The following FAM184A variants were observed in gnomAD, a reference collection of about 807,000 sequenced individuals.
The protein encoded by FAM184A is family with sequence similarity 184 member A, also known as protein FAM184A.
Under a neutral mutation model 143.8 loss-of-function variants are expected in FAM184A, and 99 were observed. The ratio of observed to expected loss-of-function variants is 0.69; its 90% confidence interval spans 0.58 to 0.81. The LOEUF (loss-of-function observed/expected upper bound fraction) is 0.81, where lower values mean the gene tolerates loss of function less well. FAM184A is among the 40% of genes least tolerant of loss of function. FAM184A has a pLI of 0.00. For missense variants in FAM184A, 1,217 were observed against 1,310.5 expected (o/e 0.93, Z 1.10); for synonymous variants, 427 against 446.4 (o/e 0.96, Z 0.55).
chr6:119,044,281 CA>C (rs1281125379), intron 1 of FAM184A, among the ~76,000 whole-genome samples: 1 of 152,002 alleles, frequency 6.6e-6, no homozygotes, highest in African/African-American at 2.4e-5. Flanking sequence ...AAATGATCAA[CA>C]AAAAACTATT....
At chr6:119,130,889 G>A (rs917307660) in intron 1 of FAM184A, among the ~76,000 whole-genome samples, 20 of 138,934 alleles carry the variant, frequency 1.4e-4, no homozygotes, top group African/African-American at 4.9e-4. Flanking sequence ...ATGGAGTCTC[G>A]CTCTGCACCT....
chr6:119,086,542 C>T (rs969079715), intron 1 of FAM184A, among the ~76,000 whole-genome samples: 3 of 152,048 alleles, frequency 2.0e-5, no homozygotes, highest in African/African-American at 7.2e-5. Context: ...AAGGGCAAAG[C>T]CATGGAGATT....
chr6:118,964,693 C>T lies in FAM184A; in HGVS notation c.3112G>A (p.Val1038Ile). 6.2e-7 allele frequency: 1 copy of T among 1,604,662 alleles called. No homozygotes were observed. The highest frequency in any genetic ancestry group is 1.1e-5 in the South Asian group (1 of 90,526). The change falls in exon 16 of 18, where the codon GTT (valine) becomes ATT (isoleucine). Residue 1038 changes from valine to isoleucine, a missense_variant. Coordinates refer to ENST00000338891, the MANE Select transcript of FAM184A (RefSeq NM_024581.6). ...FNKVFNSSPT[V>I]GVINPLAKQK... ...TTAGCCAATGGATTAATAACACCAA[C>T]AGTAGGACTTGAGTTAAACACTTTG...
chr6:119,071,497 G>A (rs1457684561), intron 1 of FAM184A, among the ~76,000 whole-genome samples: 1 of 152,098 alleles, frequency 6.6e-6, no homozygotes, highest in Non-Finnish European at 1.5e-5. Flanking sequence ...GTTACAAAGT[G>A]ACCAAGTCAT....
intron 1 of FAM184A, among the ~76,000 whole-genome samples, chr6:119,106,420 A>G (rs1243076972): frequency 6.6e-6 from 1 of 152,146 alleles, no homozygotes; most frequent in African/African-American, 2.4e-5. Flanking sequence ...AAAAAACCAA[A>G]CTGACATATT....
chr6:119,064,575 G>A (rs541564657), intron 1 of FAM184A, among the ~76,000 whole-genome samples: 37 of 152,156 alleles, frequency 2.4e-4, no homozygotes, highest in African/African-American at 6.0e-4. Flanking sequence ...GCATAGTGGC[G>A]CATACCTGTA....
intron 1 of FAM184A, among the ~76,000 whole-genome samples, chr6:119,141,080 T>C (rs143438706): frequency 6.6e-6 from 1 of 152,338 alleles, no homozygotes; most frequent in African/African-American, 2.4e-5. Flanking sequence ...CATTTGCATC[T>C]CAAGTCCTTT....
chr6:119,113,635 A>AAG lies in FAM184A; in HGVS notation c.-202+35441_-202+35442dup, dbSNP rs71809162. On this transcript the variant is annotated intron_variant, in intron 1 of 16. Coordinates refer to the FAM184A transcript ENST00000352896. ...TAAGATATTGAGAGAGAGAGAGAGA[A>AAG]AGAGAGAGAGAGAGAGACCACATTC... 6.5e-4 allele frequency among the ~76,000 whole-genome samples: 97 copies of AAG among 149,728 alleles called. 1 individual carries two copies. The highest frequency in any genetic ancestry group is 1.9e-3 in the African/African-American group (78 of 40,464).
intron 6 of FAM184A, among the ~76,000 whole-genome samples, chr6:119,010,484 T>C (rs1055126770): frequency 2.0e-5 from 3 of 152,320 alleles, no homozygotes; most frequent in Admixed American, 6.5e-5. Context: ...ATACAAATTA[T>C]TTTTTCCTGC....
intron 1 of FAM184A, among the ~76,000 whole-genome samples, chr6:119,147,688 A>G (rs984107088): frequency 1.3e-5 from 2 of 152,234 alleles, no homozygotes; most frequent in African/African-American, 2.4e-5. Context: ...AAGCTGAACA[A>G]TAACTTCTGT....
At chr6:119,078,805 A>T (rs560338950), upstream of FAM184A, 1,191 of 153,532 alleles carry the variant, frequency 7.8e-3, 10 homozygotes, top group African/African-American at 0.028. This position sits in a 1 kb window ranked among gnomAD's most constrained non-coding sequence, Gnocchi z 5.5. Flanking sequence ...AGCCCCGCGC[A>T]GCCGCCGCCG....
At chr6:118,968,621 A>C (rs1783572912) in intron 14 of FAM184A, among the ~76,000 whole-genome samples, 1 of 152,386 alleles carries the variant, frequency 6.6e-6, no homozygotes, top group African/African-American at 2.4e-5. Context: ...ACAAGAGGTC[A>C]CTGGAGCACT....
In FAM184A at chr6:119,024,805, A is replaced by G; in HGVS notation, c.168T>C (p.Tyr56=). Reference sequence around the variant, plus strand: ...GCTCATCATTTTTAGTGTTTAAAGCATATATTACCTGCATGGTTTTGAATA... The same window carrying G: ...GCTCATCATTTTTAGTGTTTAAAGCGTATATTACCTGCATGGTTTTGAATA... ...KKIAQLTKVI[Y]ALNTKNDEHE... The change falls in exon 2 of 18, where the codon TAT becomes TAC. Residue 56 remains tyrosine (Y), a synonymous_variant. Coordinates refer to ENST00000338891, the MANE Select transcript of FAM184A (RefSeq NM_024581.6). 6.3e-7 allele frequency: 1 copy of G among 1,592,656 alleles called. No individual in the cohort carries two copies.
At chr6:119,052,787 A>C (rs1786816038) in intron 1 of FAM184A, among the ~76,000 whole-genome samples, 1 of 152,224 alleles carries the variant, frequency 6.6e-6, no homozygotes, top group Admixed American at 6.5e-5. Context: ...GTATAGGTAG[A>C]GGCTTTGTGC....
At position 118,961,883 on chromosome 6, in the gene FAM184A, C is replaced by T; in HGVS notation, c.3219G>A (p.Val1073=). 1.9e-6 allele frequency: 3 copies of T among 1,613,872 alleles called. No individual in the cohort carries two copies. Among genetic ancestry groups the T allele is most frequent in the Non-Finnish European group, 2.5e-6 (3 of 1,179,858 alleles). The change falls in exon 17 of 18, where the codon GTG becomes GTA. Residue 1073 remains valine (V), a synonymous_variant. Coordinates refer to ENST00000338891, the MANE Select transcript of FAM184A (RefSeq NM_024581.6). ...CCAGGCGGTTAGGATGTCCATTGCCCACTCCACCAGATTCCAGAGCACTTA... is the reference window on the plus strand; with the variant it reads ...CCAGGCGGTTAGGATGTCCATTGCCTACTCCACCAGATTCCAGAGCACTTA... ...PNLSALESGG[V]GNGHPNRLDP...
At chr6:119,052,773 A>G (rs892462827) in intron 1 of FAM184A, among the ~76,000 whole-genome samples, 1 of 152,232 alleles carries the variant, frequency 6.6e-6, no homozygotes, top group African/African-American at 2.4e-5. Flanking sequence ...GTATCACACA[A>G]GCTGTATAGG....
rs375185538 is a variant in FAM184A at position 119,122,692 on chromosome 6, G to C, written c.-202+26386C>G. Among the ~76,000 whole-genome samples, 212 of 151,934 alleles carry C rather than the reference G, an allele frequency of 1.4e-3. 1 individual carries two copies. Among genetic ancestry groups the C allele is most frequent in the African/African-American group, 5.0e-3 (206 of 41,454 alleles). On this transcript the variant is annotated intron_variant, in intron 1 of 16. Transcript: ENST00000352896. ...ATCCCAGCACTTTGGAAGGCTGAAG[G>C]GGGTGGATTGCTTGAGTTCAGGAGT...
At chr6:118,990,639 G>C (rs952262895) in intron 9 of FAM184A, among the ~76,000 whole-genome samples, 1 of 152,022 alleles carries the variant, frequency 6.6e-6, no homozygotes, top group East Asian at 1.9e-4. Flanking sequence ...GCCGAAGCAG[G>C]TGGATCACTT....
rs1787940629 is a variant in FAM184A, at chr6:119,078,119, G to T, written c.159+22C>A. ...CGCGGCCCGCACGGGGTCGCCACCT[G>T]CCCCGTCGCTGCCCCCCTTACCTTG... On this transcript the variant is annotated intron_variant, in intron 1 of 17. Transcript: ENST00000338891. This position sits in a 1 kb window ranked among gnomAD's most constrained non-coding sequence, Gnocchi z 5.5. The T allele has an allele frequency of 1.9e-6, 3 of 1,568,070 alleles. No individual in the cohort carries two copies. The highest frequency in any genetic ancestry group is 1.7e-6 in the Non-Finnish European group (2 of 1,160,696).
Sources: allele counts gnomAD v4.1 joint callset (sites outside exome capture counted in the v4.1 genomes callset), GRCh38; gene constraint gnomAD v4.1.1; non-coding constraint Gnocchi (gnomAD v3.1); transcripts MANE v1.5; gene names NCBI Gene and HGNC (gene_info 2026-07-23, HGNC 2026-07-21).